ALOXE3: variants seen among roughly 807,000 people sequenced by gnomAD.
The protein encoded by ALOXE3 is arachidonate epidermal lipoxygenase 3, also known as hydroperoxide isomerase ALOXE3.
In ALOXE3, 78 loss-of-function variants were observed where a neutral mutation model predicts 87.5. The ratio of observed to expected loss-of-function variants is 0.89; its 90% CI spans 0.74 to 1.08. The LOEUF (loss-of-function observed/expected upper bound fraction) is 1.08, where lower values mean the gene tolerates loss of function less well. Ranked by LOEUF, ALOXE3 falls within the 50% of genes least tolerant of loss-of-function variation. The pLI is 0.00. For synonymous variants in ALOXE3, 363 were observed against 370.8 expected (o/e 0.98, Z 0.24); for missense variants, 946 against 912.4 (o/e 1.04, Z -0.47).
chr17:8,104,056 C>A, intron 14 of ALOXE3, 59 bp downstream of exon 14: 1 of 1,481,940 alleles, frequency 6.7e-7, no homozygotes, highest in Non-Finnish European at 9.3e-7. Flanking sequence ...AACCCAAATT[C>A]AGGCCTCAAG....
Position 8,114,481 on chromosome 17 carries a change from T to A in ALOXE3, c.680+3A>T. The A allele has an allele frequency of 1.2e-6, 2 of 1,613,374 alleles. No individual in the cohort carries two copies. The highest frequency in any genetic ancestry group is 1.7e-6 in the Non-Finnish European group (2 of 1,179,842). ...ATGTTCATTAGAGGGACAATGGCCTTACGCAGGGATGGCATTGAAGAGCAG... is the reference window on the plus strand; with the variant it reads ...ATGTTCATTAGAGGGACAATGGCCTAACGCAGGGATGGCATTGAAGAGCAG... On this transcript the variant is annotated splice_donor_region_variant and intron_variant, in intron 6 of 15. Transcript: ENST00000448843.
chr17:8,102,982 A>C (rs925617234), intron 15 of ALOXE3, among the ~76,000 whole-genome samples: 1 of 152,230 alleles, frequency 6.6e-6, no homozygotes, highest in Admixed American at 6.5e-5. Flanking sequence ...TCTTGAAGGC[A>C]GGAAGGTCTC....
chr17:8,111,234 A>C, intron 8 of ALOXE3, 125 bp downstream of exon 8: 1 of 1,207,296 alleles, frequency 8.3e-7, no homozygotes, highest in Non-Finnish European at 1.2e-6. Flanking sequence ...GGCTGCCCAG[A>C]GGATGAGGCC....
At chr17:8,111,593 C>T in intron 7 of ALOXE3, 62 bp from the exon 8 acceptor site, 1 of 1,567,914 alleles carries the variant, frequency 6.4e-7, no homozygotes, top group East Asian at 2.2e-5. Flanking sequence ...CTAGTCCTGC[C>T]AAGTCCTTTG....
intron 15 of ALOXE3, among the ~76,000 whole-genome samples, chr17:8,099,365 C>T (rs1020701944): frequency 1.4e-4 from 7 of 50,040 alleles, no homozygotes; most frequent in African/African-American, 6.0e-4. Context: ...ACCCACTGCC[C>T]TTCTTAGTAC....
chr17:8,114,981 A>G lies in ALOXE3; in HGVS notation c.511T>C (p.Phe171Leu). The change falls in exon 5 of 16, where the codon TTT becomes CTT. Residue 171 changes from phenylalanine to leucine, a missense_variant. Phe to Leu is a conservative substitution (Grantham distance 22, BLOSUM62 0). Coordinates refer to ENST00000448843, the MANE Select transcript of ALOXE3 (RefSeq NM_021628.3). ...CAAGTTGTCGTCTTTGTCAAGGCAA[A>G]TTTCTTGTCTGACTCCATCTCCTGA... ...SFQEMESDKKFALTKTTTCVD... is the reference protein window; with the variant it reads ...SFQEMESDKKLALTKTTTCVD... 1.2e-6 allele frequency: 2 copies of G among 1,613,904 alleles called. No individual in the cohort carries two copies. Among genetic ancestry groups the G allele is most frequent in the Non-Finnish European group, 8.5e-7 (1 of 1,179,994 alleles).
At position 8,118,081 on chromosome 17, in the gene ALOXE3, TTCTG is replaced by T. The variant is rs1280542116; in HGVS notation, c.-95_-92del. The T allele has an allele frequency of 1.3e-6, 2 of 1,566,308 alleles. No individual in the cohort carries two copies. Among genetic ancestry groups the T allele is most frequent in the Admixed American group, 3.8e-5 (2 of 52,012 alleles). On this transcript the variant is annotated 5_prime_UTR_variant, in exon 2 of 16. Coordinates refer to ENST00000448843, the MANE Select transcript of ALOXE3 (RefSeq NM_021628.3). Reference sequence around the variant, plus strand: ...AGCGGCACGCCGGACAGGGCTGGGTTTCTGGGCGGAGGGCTAGGGGCTGCGGGGC... The same window carrying T: ...AGCGGCACGCCGGACAGGGCTGGGTTGGCGGAGGGCTAGGGGCTGCGGGGC...
intron 15 of ALOXE3, among the ~76,000 whole-genome samples, chr17:8,098,909 G>A (rs769520668): frequency 4.6e-5 from 7 of 151,834 alleles, no homozygotes; most frequent in Non-Finnish European, 8.8e-5. Flanking sequence ...GAAGTGTAGC[G>A]ATGGGATCAC....
At chr17:8,110,316 G>A in intron 9 of ALOXE3, 21 bp from the exon 10 acceptor site, 2 of 1,612,528 alleles carry the variant, frequency 1.2e-6, no homozygotes, top group Non-Finnish European at 1.7e-6. Context: ...AAGGAACGAG[G>A]GATGATGGGG....
chr17:8,104,865 G>C (rs1049902920), intron 13 of ALOXE3, among the ~76,000 whole-genome samples: 1 of 152,268 alleles, frequency 6.6e-6, no homozygotes, highest in East Asian at 1.9e-4. Context: ...GAGCTCCAAG[G>C]CTCAGCCCTT....
chr17:8,103,260 C>T, intron 15 of ALOXE3, 63 bp downstream of exon 15: 1 of 1,592,022 alleles, frequency 6.3e-7, no homozygotes. Context: ...CCAGACGAAG[C>T]CACCACCACC....
chr17:8,103,756 G>C (rs1979080231), intron 14 of ALOXE3, among the ~76,000 whole-genome samples: 1 of 151,976 alleles, frequency 6.6e-6, no homozygotes, highest in African/African-American at 2.4e-5. Context: ...GACTCGGTGG[G>C]GTGAGTCACT....
Position 8,103,393 on chromosome 17 carries a change from A to G in ALOXE3, c.1886T>C (p.Leu629Pro). 1 of 1,613,988 alleles carries G rather than the reference A, an allele frequency of 6.2e-7. No homozygotes were observed. The highest frequency in any genetic ancestry group is 8.5e-7 in the Non-Finnish European group (1 of 1,179,966). ...TTTLKTYLDT[L>P]PEVNISCNNL... Reference sequence around the variant, plus strand: ...GTTACAGCTGATGTTCACTTCAGGGAGGGTGTCTAGGTAAGTCTTCAGGGT... The same window carrying G: ...GTTACAGCTGATGTTCACTTCAGGGGGGGTGTCTAGGTAAGTCTTCAGGGT... Residue 629 changes from leucine to proline, a missense_variant, in exon 15 of 16, where the codon CTC (leucine) becomes CCC (proline). Transcript: ENST00000448843.
chr17:8,098,238 T>G (rs1423779531), intron 15 of ALOXE3, among the ~76,000 whole-genome samples: 1 of 127,998 alleles, frequency 7.8e-6, no homozygotes, highest in Non-Finnish European at 1.6e-5. Flanking sequence ...GTTTTTGTTT[T>G]TTTTTTTTTT....
intron 3 of ALOXE3, among the ~76,000 whole-genome samples, chr17:8,116,124 C>G (rs2151846318): frequency 6.6e-6 from 1 of 152,318 alleles, no homozygotes; most frequent in South Asian, 2.1e-4. Flanking sequence ...CTATGGAAAA[C>G]TTATTACGGA....
rs748169254 is a variant in ALOXE3 at position 8,108,523 on chromosome 17, C to T, written c.1629G>A (p.Leu543=). 5 of 1,613,494 alleles carry T rather than the reference C, an allele frequency of 3.1e-6. No individual in the cohort carries two copies. Among genetic ancestry groups the T allele is most frequent in the Non-Finnish European group, 4.2e-6 (5 of 1,179,626 alleles). ...SDASVQQDSE[L]QAWTGEIFAQ... Reference sequence around the variant, plus strand: ...CAAAAATCTCGCCAGTCCAGGCCTGCAGCTCCGAATCCTGCTGCACAGATG... The same window carrying T: ...CAAAAATCTCGCCAGTCCAGGCCTGTAGCTCCGAATCCTGCTGCACAGATG... Residue 543 remains leucine, a synonymous_variant, in exon 13 of 16, where the codon CTG becomes CTA. Transcript: ENST00000448843.
Position 8,112,112 on chromosome 17 carries a change from G to T in ALOXE3, c.765C>A (p.Cys255Ter). 1 of 1,614,134 alleles carries T rather than the reference G, an allele frequency of 6.2e-7. No individual in the cohort carries two copies. Among genetic ancestry groups the T allele is most frequent in the Non-Finnish European group, 8.5e-7 (1 of 1,180,002 alleles). The change falls in exon 7 of 16, where the codon TGC (cysteine) becomes TGA (stop). Residue 255 changes from cysteine to a stop codon, truncating the protein, a stop_gained. Coordinates refer to ENST00000448843, the MANE Select transcript of ALOXE3 (RefSeq NM_021628.3). LOFTEE classifies it high-confidence loss of function. ...GCTCACTTGTCGTGAAGGTCTTATG[G>T]CACCAGAAGATGTTCTGCATGTCAT... ...KLDDMQNIFW[C>*]HKTFTTKYVT...
intron 8 of ALOXE3, 63 bp from the exon 9 acceptor site, chr17:8,110,591 C>A: frequency 6.2e-7 from 1 of 1,608,706 alleles, no homozygotes; most frequent in Non-Finnish European, 8.5e-7. Flanking sequence ...CCTCCCATTT[C>A]CCTGCCCACT....
intron 5 of ALOXE3, 84 bp downstream of exon 5, chr17:8,114,854 C>G (rs936966037): frequency 1.9e-6 from 3 of 1,590,696 alleles, no homozygotes; most frequent in Admixed American, 1.7e-5. Context: ...CCCTACCCCT[C>G]CTTCCTGGCT....
Sources: gnomAD v4.1 joint callset for allele counts (sites outside exome capture counted in the v4.1 genomes callset) on GRCh38, gnomAD v4.1.1 for gene constraint, MANE v1.5 for transcripts, NCBI Gene and HGNC (gene_info 2026-07-23, HGNC 2026-07-21) for gene names.